TNFRSF8: variants seen among roughly 807,000 people sequenced by gnomAD.
TNFRSF8 encodes the protein tumor necrosis factor receptor superfamily member 8.
TNFRSF8 carries 26 observed loss-of-function variants against 70.8 expected under a neutral mutation model. That is an observed-to-expected ratio of 0.37 (90% CI 0.27 to 0.51). The LOEUF (loss-of-function observed/expected upper bound fraction) is 0.51. Ranked by LOEUF, TNFRSF8 falls within the 20% of genes least tolerant of loss-of-function variation. The pLI is 0.94. For missense variants in TNFRSF8, 720 were observed against 807.9 expected (o/e 0.89, Z 1.32); for synonymous variants, 356 against 339.2 (o/e 1.05, Z -0.54).
Position 12,115,599 on chromosome 1 carries a change from A to T in TNFRSF8, c.816A>T (p.Pro272=), listed in dbSNP as rs1641712753. 1.2e-6 allele frequency: 2 copies of T among 1,614,048 alleles called. No homozygotes were observed. Among genetic ancestry groups the T allele is most frequent in the African/African-American group, 2.7e-5 (2 of 74,906 alleles). ...CSRDDLVEKT[P]CAWNSSRTCE... Reference sequence around the variant, plus strand: ...TAGATGACCTTGTGGAGAAGACGCCATGTGCATGGAACTCCTCCCGCACCT... The same window carrying T: ...TAGATGACCTTGTGGAGAAGACGCCTTGTGCATGGAACTCCTCCCGCACCT... Residue 272 remains proline, a synonymous_variant, in exon 8 of 15, where the codon CCA becomes CCT. Coordinates refer to ENST00000263932, the MANE Select transcript of TNFRSF8 (RefSeq NM_001243.5).
At chr1:12,103,629 C>G (rs545700944) in intron 3 of TNFRSF8, among the ~76,000 whole-genome samples, 1 of 151,582 alleles carries the variant, frequency 6.6e-6, no homozygotes, top group Non-Finnish European at 1.5e-5. Context: ...GCTACCATGC[C>G]TGGCTAATTT....
chr1:12,064,841 C>T (rs911462053), intron 1 of TNFRSF8, among the ~76,000 whole-genome samples: 3 of 152,126 alleles, frequency 2.0e-5, no homozygotes, highest in African/African-American at 4.8e-5. Context: ...CAAGCCCTCA[C>T]CTGGGGGAAG....
chr1:12,089,966 C>A (rs1203216150), intron 2 of TNFRSF8, among the ~76,000 whole-genome samples: 1 of 150,408 alleles, frequency 6.6e-6, no homozygotes, highest in Non-Finnish European at 1.5e-5. Flanking sequence ...ACCCATCTAC[C>A]CACTCACCTA....
chr1:12,107,322 G>C (rs144745770), intron 4 of TNFRSF8, among the ~76,000 whole-genome samples: 2,365 of 152,150 alleles, frequency 0.016, 27 homozygotes, highest in Middle Eastern at 0.048. Flanking sequence ...TTGAATCCGG[G>C]AGGTGGAGGT....
chr1:12,081,848 C>T (rs1401242313), intron 1 of TNFRSF8, among the ~76,000 whole-genome samples: 1 of 152,102 alleles, frequency 6.6e-6, no homozygotes, highest in Non-Finnish European at 1.5e-5. Flanking sequence ...TTCCCTAAAC[C>T]AAGAAAGCCC....
At position 12,108,652 on chromosome 1, in the gene TNFRSF8, C is replaced by G. The variant is rs1641571876; in HGVS notation, c.422-914C>G. Among the ~76,000 whole-genome samples the G allele has an allele frequency of 6.6e-6, 1 of 152,062 alleles. No homozygotes were observed. The highest frequency in any genetic ancestry group is 2.4e-5 in the African/African-American group (1 of 41,416). ...CCTGGCCAACATGGCGAAACCCTGTCTCTACTAAAAATTAGCCGGGCGTGG... is the reference window on the plus strand; with the variant it reads ...CCTGGCCAACATGGCGAAACCCTGTGTCTACTAAAAATTAGCCGGGCGTGG... On this transcript the variant is annotated intron_variant, in intron 4 of 14. Coordinates refer to ENST00000263932, the MANE Select transcript of TNFRSF8 (RefSeq NM_001243.5). This position sits in a 1 kb window ranked among gnomAD's most constrained non-coding sequence, Gnocchi z 4.0.
At chr1:12,072,750 G>A (rs886199085) in intron 1 of TNFRSF8, among the ~76,000 whole-genome samples, 11 of 152,294 alleles carry the variant, frequency 7.2e-5, no homozygotes, top group Non-Finnish European at 1.3e-4. Context: ...CTCAGAGAGT[G>A]CGTGCACAGA....
chr1:12,084,436 G>T, intron 1 of TNFRSF8, 28 bp from the exon 2 acceptor site: 1 of 1,606,354 alleles, frequency 6.2e-7, no homozygotes, highest in Non-Finnish European at 8.5e-7. Context: ...GGATCCACCT[G>T]GCCTCACCAG....
At chr1:12,066,333 T>A (rs1472481018) in intron 1 of TNFRSF8, among the ~76,000 whole-genome samples, 1 of 151,792 alleles carries the variant, frequency 6.6e-6, no homozygotes, top group Non-Finnish European at 1.5e-5. Flanking sequence ...AAATTAGGGC[T>A]TGAATTTCCT....
chr1:12,114,869 T>C (rs1227180108), intron 7 of TNFRSF8, among the ~76,000 whole-genome samples: 1 of 151,804 alleles, frequency 6.6e-6, no homozygotes, highest in Non-Finnish European at 1.5e-5. Context: ...CCACCAGGCA[T>C]GGCTAATTTT....
Position 12,138,103 on chromosome 1 carries a change from G to C in TNFRSF8, c.1336-126G>C. ...GAGAAGCCCGGGGCAGCTCATGGCA[G>C]CTTTTAAAGCAGAAAGGGGGACTCA... On this transcript the variant is annotated intron_variant, in intron 13 of 14. Transcript: ENST00000263932. This position sits in a 1 kb window ranked among gnomAD's most constrained non-coding sequence, Gnocchi z 5.7. 1 of 972,404 alleles carries C rather than the reference G, an allele frequency of 1.0e-6. No individual in the cohort carries two copies. The highest frequency in any genetic ancestry group is 1.5e-6 in the Non-Finnish European group (1 of 668,112). The allele number at this position is 972,404 out of a possible 1,614,324, so 60.2% of individuals were successfully genotyped here.
At chr1:12,115,094 C>T (rs573703940) in intron 7 of TNFRSF8, among the ~76,000 whole-genome samples, 3 of 152,254 alleles carry the variant, frequency 2.0e-5, no homozygotes, top group East Asian at 1.9e-4. Flanking sequence ...CAGCTTTAAA[C>T]GGTTATGGAG....
At chr1:12,135,742 C>G in intron 13 of TNFRSF8, 129 bp downstream of exon 13, 2 of 1,307,196 alleles carry the variant, frequency 1.5e-6, no homozygotes, top group Non-Finnish European at 2.1e-6. Flanking sequence ...CATTCCCCTC[C>G]CACAGTGCCC....
chr1:12,142,245 G>T lies in TNFRSF8; in HGVS notation c.1544-42G>T. The T allele has an allele frequency of 6.6e-7, 1 of 1,522,270 alleles. No individual in the cohort carries two copies. The highest frequency in any genetic ancestry group is 2.0e-5 in the Admixed American group (1 of 49,886). 94.3% of individuals were successfully genotyped at this position (1,522,270 alleles called of 1,614,324 possible). A position where few individuals can be genotyped will look rare whatever the true frequency, so the allele number is the denominator to read the frequency against. On this transcript the variant is annotated intron_variant, in intron 14 of 14. Coordinates refer to ENST00000263932, the MANE Select transcript of TNFRSF8 (RefSeq NM_001243.5). The surrounding 1 kb of genome is among the most constrained non-coding windows in gnomAD (Gnocchi z 5.0). ...TGCCTCTTTGCTCCCATCCTGGCTG[G>T]TGCTCTGGCCTCCCTCGCTCACCCA...
intron 9 of TNFRSF8, 109 bp from the exon 10 acceptor site, chr1:12,123,606 T>C (rs1641874216): frequency 9.3e-7 from 1 of 1,070,352 alleles, no homozygotes; most frequent in Non-Finnish European, 1.4e-6. Flanking sequence ...GCAGAGGATC[T>C]AGGGGCCCAG....
intron 13 of TNFRSF8, among the ~76,000 whole-genome samples, chr1:12,136,380 G>A (rs1442593291): frequency 6.6e-6 from 1 of 152,112 alleles, no homozygotes; most frequent in Admixed American, 6.5e-5. Context: ...CGGATATGAT[G>A]GCTCACACTT....
At chr1:12,121,853 A>G (rs555950459) in intron 8 of TNFRSF8, among the ~76,000 whole-genome samples, 2 of 152,392 alleles carry the variant, frequency 1.3e-5, no homozygotes, top group Middle Eastern at 3.4e-3. Context: ...GCGAACGGGT[A>G]TGTAAACAGT....
At chr1:12,083,399 C>A (rs780585940) in intron 1 of TNFRSF8, among the ~76,000 whole-genome samples, 1 of 152,084 alleles carries the variant, frequency 6.6e-6, no homozygotes, top group African/African-American at 2.4e-5. Flanking sequence ...GAATGTCTAT[C>A]GAGAGCAGGC....
At chr1:12,102,247 T>A (rs1353019052) in intron 3 of TNFRSF8, among the ~76,000 whole-genome samples, 1 of 152,144 alleles carries the variant, frequency 6.6e-6, no homozygotes. Flanking sequence ...CTGAGGGCAA[T>A]GGGGCTCAGG....
Sources: allele counts gnomAD v4.1 joint callset (sites outside exome capture counted in the v4.1 genomes callset), GRCh38; gene constraint gnomAD v4.1.1; non-coding constraint Gnocchi (gnomAD v3.1); transcripts MANE v1.5; gene names NCBI Gene and HGNC (gene_info 2026-07-23, HGNC 2026-07-21).